The following MAD1L1 variants were observed in gnomAD, a reference collection of about 807,000 sequenced individuals.
MAD1L1 encodes mitotic spindle assembly checkpoint protein MAD1.
MAD1L1 carries 95 observed loss-of-function variants against 96.9 expected under a neutral mutation model. The ratio of observed to expected loss-of-function variants is 0.98; its 90% confidence interval spans 0.83 to 1.16. The LOEUF (loss-of-function observed/expected upper bound fraction) is 1.16, where lower values mean the gene tolerates loss of function less well. Ranked by LOEUF, MAD1L1 falls within the 50% of genes most tolerant of loss-of-function variation. The pLI, the probability that MAD1L1 is intolerant of heterozygous loss-of-function variation, is 0.00. For missense variants in MAD1L1, 1,007 were observed against 954.4 expected, an observed-to-expected ratio of 1.06 and a Z score of -0.73; for synonymous variants, 473 against 396.6, an observed-to-expected ratio of 1.19 and a Z score of -2.29.
At chr7:1,931,692 T>C (rs967473984) in intron 17 of MAD1L1, among the ~76,000 whole-genome samples, 33 of 139,230 alleles carry the variant, frequency 2.4e-4, no homozygotes, top group Admixed American at 2.2e-3. Context: ...CCTTTCTTAA[T>C]ATGAGGCTCA....
At chr7:2,118,413 CAGG>C (rs1479108445) in intron 11 of MAD1L1, among the ~76,000 whole-genome samples, 1 of 152,268 alleles carries the variant, frequency 6.6e-6, no homozygotes, top group Admixed American at 6.5e-5. Context: ...CTCCCAGAAG[CAGG>C]AGGTCAGCCC....
At chr7:1,921,482 C>T (rs571676294) in intron 17 of MAD1L1, among the ~76,000 whole-genome samples, 3 of 152,202 alleles carry the variant, frequency 2.0e-5, no homozygotes, top group East Asian at 1.9e-4. Flanking sequence ...CCTCCCGCCA[C>T]GCCTGGCGTT....
At chr7:1,832,194 C>A (rs551014967) in intron 18 of MAD1L1, among the ~76,000 whole-genome samples, 26 of 151,996 alleles carry the variant, frequency 1.7e-4, no homozygotes, top group Middle Eastern at 3.4e-3. Context: ...CAGGAGTTTG[C>A]AGAAGTTGGT....
chr7:2,160,579 C>T (rs1446087276), intron 10 of MAD1L1, among the ~76,000 whole-genome samples: 5 of 152,046 alleles, frequency 3.3e-5, no homozygotes, highest in Admixed American at 6.5e-5. Flanking sequence ...GTGATCTGCC[C>T]GCTTCGGCCT....
intron 12 of MAD1L1, among the ~76,000 whole-genome samples, chr7:2,052,492 G>A (rs942949982): frequency 6.6e-6 from 1 of 151,996 alleles, no homozygotes; most frequent in Non-Finnish European, 1.5e-5. Context: ...AGCAGGCAGG[G>A]AGGGGGCTGG....
intron 11 of MAD1L1, among the ~76,000 whole-genome samples, chr7:2,127,473 C>CCACGGAGGAGCAGCTGCA (rs1788285823): frequency 6.6e-6 from 1 of 152,154 alleles, no homozygotes. Context: ...TCGTGCTGTG[C>CCACGGAGGAGCAGCTGCA]CACGGAGGAG....
At chr7:2,181,436 A>T (rs1791195102) in intron 10 of MAD1L1, among the ~76,000 whole-genome samples, 1 of 152,286 alleles carries the variant, frequency 6.6e-6, no homozygotes, top group Admixed American at 6.5e-5. Context: ...GATTTAAAAA[A>T]TGCTAAATAT....
intron 18 of MAD1L1, among the ~76,000 whole-genome samples, chr7:1,866,083 G>A (rs1052193151): frequency 2.2e-4 from 33 of 152,224 alleles, no homozygotes; most frequent in African/African-American, 7.5e-4. Context: ...CAGAGACCAC[G>A]AGTGCCCCCT....
intron 17 of MAD1L1, among the ~76,000 whole-genome samples, chr7:1,907,023 C>T (rs4721182): frequency 0.037 from 5,677 of 152,256 alleles, 223 homozygotes; most frequent in African/African-American, 0.093. Flanking sequence ...CACTGCCCCG[C>T]CCCCAAGCCC....
At chr7:2,148,149 C>A (rs1789399179) in intron 11 of MAD1L1, among the ~76,000 whole-genome samples, 1 of 152,192 alleles carries the variant, frequency 6.6e-6, no homozygotes, top group Admixed American at 6.5e-5. Context: ...TTCTAAAAGC[C>A]AATTTTCAAA....
At chr7:2,222,519 C>A in intron 5 of MAD1L1, 56 bp downstream of exon 5, 1 of 1,462,784 alleles carries the variant, frequency 6.8e-7, no homozygotes. Flanking sequence ...CAAACAAGAG[C>A]ATGCACTCCC....
chr7:2,219,109 G>C (rs191088008), intron 6 of MAD1L1, among the ~76,000 whole-genome samples: 24 of 152,196 alleles, frequency 1.6e-4, no homozygotes, highest in Admixed American at 7.9e-4. Flanking sequence ...TAAGAAGGAG[G>C]GGGAGGAAGT....
chr7:1,960,403 C>T (rs1779905935), intron 15 of MAD1L1, among the ~76,000 whole-genome samples: 1 of 152,116 alleles, frequency 6.6e-6, no homozygotes, highest in Non-Finnish European at 1.5e-5. Flanking sequence ...GATTAAAAAG[C>T]AACACCCAAT....
At chr7:2,079,678 T>A (rs1785539824) in intron 11 of MAD1L1, 2 of 470,870 alleles carry the variant, frequency 4.2e-6, no homozygotes, top group Admixed American at 2.3e-5. Context: ...ATAATCCAGT[T>A]TAGCTGATCA....
At chr7:2,086,206 C>G (rs893387041) in intron 11 of MAD1L1, among the ~76,000 whole-genome samples, 12 of 152,372 alleles carry the variant, frequency 7.9e-5, no homozygotes, top group African/African-American at 2.4e-4. Context: ...GACAAGATGC[C>G]TGGTAGGGAA....
chr7:2,003,727 T>C (rs762418794), intron 13 of MAD1L1, among the ~76,000 whole-genome samples: 4 of 152,160 alleles, frequency 2.6e-5, no homozygotes, highest in Non-Finnish European at 5.9e-5. Context: ...CAGCCCCGCC[T>C]GCTGCCCTCA....
chr7:1,859,004 C>T (rs905767660), intron 18 of MAD1L1, among the ~76,000 whole-genome samples: 37 of 152,308 alleles, frequency 2.4e-4, no homozygotes, highest in East Asian at 3.9e-4. Flanking sequence ...GGGCGTCCCC[C>T]GACTCGGCCT....
chr7:2,071,680 GGAGTCAATTATGTCCGCCT>G (rs1241873039), intron 11 of MAD1L1, among the ~76,000 whole-genome samples: 5 of 152,304 alleles, frequency 3.3e-5, no homozygotes, highest in Admixed American at 1.3e-4. Context: ...GAGCAGGGGC[GGAGTCAATTATGTCCGCCT>G]GACAAGGCCT....
intron 17 of MAD1L1, among the ~76,000 whole-genome samples, chr7:1,900,300 G>A (rs962192481): frequency 1.1e-4 from 17 of 152,246 alleles, no homozygotes; most frequent in African/African-American, 3.9e-4. Context: ...CACGTTAGCA[G>A]CATCCAGATG....
Sources: allele counts gnomAD v4.1 joint callset (sites outside exome capture counted in the v4.1 genomes callset), GRCh38; gene constraint gnomAD v4.1.1; transcripts MANE v1.5; gene names NCBI Gene and HGNC (gene_info 2026-07-23, HGNC 2026-07-21).